The following CLVS1 variants were observed in gnomAD, a reference collection of about 807,000 sequenced individuals.
CLVS1 encodes clavesin-1.
A neutral mutation model predicts 33.1 loss-of-function variants in CLVS1; 10 were observed. The ratio of observed to expected loss-of-function variants is 0.30; its 90% CI spans 0.19 to 0.51. The LOEUF is 0.51. Ranked by LOEUF, CLVS1 falls within the 20% of genes least tolerant of loss-of-function variation. The probability of loss-of-function intolerance (pLI) is 0.97; values close to 1 mark genes in which losing one functional copy is unlikely to be tolerated. For missense variants in CLVS1, 343 were observed against 433.4 expected, an observed-to-expected ratio of 0.79 and a Z score of 1.85; for synonymous variants, 163 against 166.1, an observed-to-expected ratio of 0.98 and a Z score of 0.14.
intron 1 of CLVS1, among the ~76,000 whole-genome samples, chr8:61,108,359 T>C (rs1378784761): frequency 6.6e-6 from 1 of 152,222 alleles, no homozygotes; most frequent in Non-Finnish European, 1.5e-5. Context: ...TGATGTTTAA[T>C]AGGCACTTTT....
intron 2 of CLVS1, among the ~76,000 whole-genome samples, chr8:61,165,093 A>G (rs551025132): frequency 6.6e-6 from 1 of 152,364 alleles, no homozygotes; most frequent in African/African-American, 2.4e-5. Flanking sequence ...GTTCAGCTCG[A>G]TTAGGACAAA....
intron 2 of CLVS1, among the ~76,000 whole-genome samples, chr8:61,266,161 C>G (rs11781792): frequency 0.15 from 22,829 of 152,142 alleles, 3,602 homozygotes; most frequent in African/African-American, 0.4. Context: ...AATCCCTTTA[C>G]CCTTTGTGTC....
Position 61,499,654 on chromosome 8 carries a change from T to TCCTC in CLVS1, c.*114_*117dup. The TCCTC allele has an allele frequency of 1.4e-6, 1 of 691,832 alleles. No homozygotes were observed. The allele number at this position is 691,832 out of a possible 1,614,324, so 42.9% of individuals were successfully genotyped here. The stretch of plus-strand genomic sequence containing the variant: ...CACGTGTGTTCTGCTTGACACAAGG[T>TCCTC]CCTCCACTCCTGAACCCCTGCAGTG... On this transcript the variant is annotated 3_prime_UTR_variant, in exon 6 of 6. Transcript: ENST00000325897.
At chr8:61,410,474 C>T (rs751955404) in intron 3 of CLVS1, among the ~76,000 whole-genome samples, 7 of 152,136 alleles carry the variant, frequency 4.6e-5, no homozygotes, top group Non-Finnish European at 1.0e-4. Flanking sequence ...AATCCATCTG[C>T]TGTGAATAGA....
chr8:61,173,957 C>T (rs1211935277), intron 2 of CLVS1, among the ~76,000 whole-genome samples: 4 of 152,132 alleles, frequency 2.6e-5, no homozygotes, highest in African/African-American at 4.8e-5. Flanking sequence ...TGACAAGATT[C>T]GTGGGGCATT....
At chr8:61,383,939 C>T (rs2129602070) in intron 3 of CLVS1, among the ~76,000 whole-genome samples, 1 of 152,256 alleles carries the variant, frequency 6.6e-6, no homozygotes, top group East Asian at 1.9e-4. Context: ...CAGAGGTGGA[C>T]TTACAAAGAA....
chr8:61,433,851 T>A (rs1279147202), intron 3 of CLVS1, among the ~76,000 whole-genome samples: 2 of 151,608 alleles, frequency 1.3e-5, no homozygotes, highest in African/African-American at 4.8e-5. Context: ...GAAGTGGAGG[T>A]TGCAGTGAGC....
At chr8:61,202,492 A>G in intron 2 of CLVS1, 2 of 920,314 alleles carry the variant, frequency 2.2e-6, no homozygotes, top group Admixed American at 1.7e-5. Context: ...AAGAACGGTC[A>G]GTTTAGGGGC....
chr8:61,336,050 G>T (rs933084336), intron 2 of CLVS1, among the ~76,000 whole-genome samples: 2 of 152,038 alleles, frequency 1.3e-5, no homozygotes, highest in African/African-American at 2.4e-5. Context: ...AATAGAATTC[G>T]CTGAGAAAAG....
chr8:60,976,127 T>C, the CLVS1 span, among the ~76,000 whole-genome samples: 1 of 152,342 alleles, frequency 6.6e-6, no homozygotes, highest in East Asian at 1.9e-4. Context: ...AAATTTTTTT[T>C]CAATTCAAGT....
intron 1 of CLVS1, among the ~76,000 whole-genome samples, chr8:61,123,418 G>C (rs1451180078): frequency 6.6e-6 from 1 of 152,066 alleles, no homozygotes; most frequent in Non-Finnish European, 1.5e-5. Flanking sequence ...AACATTTTAT[G>C]ACCTGGGGAA....
chr8:61,298,781 G>A (rs1272138989), intron 1 of CLVS1, among the ~76,000 whole-genome samples: 4 of 152,136 alleles, frequency 2.6e-5, no homozygotes, highest in Non-Finnish European at 5.9e-5. Flanking sequence ...CAGTATGGGT[G>A]TTCCTCTGTA....
At chr8:61,026,865 C>T in the CLVS1 span, among the ~76,000 whole-genome samples, 1 of 152,118 alleles carries the variant, frequency 6.6e-6, no homozygotes, top group African/African-American at 2.4e-5. Flanking sequence ...ATTACCACAC[C>T]TGTCTATGCC....
chr8:61,444,551 G>A (rs890074004), intron 3 of CLVS1, among the ~76,000 whole-genome samples: 3 of 152,184 alleles, frequency 2.0e-5, no homozygotes, highest in Admixed American at 6.5e-5. Context: ...CCAGGAATTT[G>A]TTTTAATCAG....
chr8:61,328,488 A>G (rs1408488302), intron 2 of CLVS1, among the ~76,000 whole-genome samples: 1 of 151,942 alleles, frequency 6.6e-6, no homozygotes, highest in Non-Finnish European at 1.5e-5. Flanking sequence ...GCCCCTTAGC[A>G]TATATTACCA....
intron 1 of CLVS1, among the ~76,000 whole-genome samples, chr8:61,062,738 C>T (rs1804603789): frequency 6.6e-6 from 1 of 152,096 alleles, no homozygotes; most frequent in South Asian, 2.1e-4. Flanking sequence ...AAAGAAGTGC[C>T]CTTATGTTGT....
the CLVS1 span, among the ~76,000 whole-genome samples, chr8:60,987,242 A>G: frequency 6.6e-6 from 1 of 152,252 alleles, no homozygotes. Context: ...CTGGAAGTGC[A>G]TAGTTAAGAG....
intron 2 of CLVS1, among the ~76,000 whole-genome samples, chr8:61,282,824 G>A (rs191796855): frequency 8.5e-5 from 13 of 152,296 alleles, no homozygotes; most frequent in Admixed American, 2.0e-4. Flanking sequence ...AACACATAGT[G>A]TGGCTCAGAT....
At chr8:61,189,699 C>CA (rs58337783) in intron 2 of CLVS1, among the ~76,000 whole-genome samples, 3,319 of 151,648 alleles carry the variant, frequency 0.022, 50 homozygotes, top group East Asian at 0.053. Flanking sequence ...CAATGGAAAA[C>CA]AAAAAAAGGC....
Sources: allele counts gnomAD v4.1 joint callset (sites outside exome capture counted in the v4.1 genomes callset), GRCh38; gene constraint gnomAD v4.1.1; transcripts MANE v1.5; gene names NCBI Gene and HGNC (gene_info 2026-07-23, HGNC 2026-07-21).